Variants in PRMT8 observed in about 807,000 individuals in gnomAD.
PRMT8 encodes protein arginine methyltransferase 8.
A neutral mutation model predicts 47.1 loss-of-function variants in PRMT8; 7 were observed. The ratio of observed to expected loss-of-function variants is 0.15; its 90% CI spans 0.08 to 0.28. PRMT8 has a LOEUF of 0.28. Ranked by LOEUF, PRMT8 falls within the 10% of genes least tolerant of loss-of-function variation. The pLI is 1.00. For missense variants in PRMT8, 237 were observed against 505.4 expected (o/e 0.47, Z 5.09); for synonymous variants, 188 against 186.5 (o/e 1.01, Z -0.07).
At chr12:3,451,798 T>G (rs370868570) in intron 1 of PRMT8, among the ~76,000 whole-genome samples, 2 of 152,346 alleles carry the variant, frequency 1.3e-5, no homozygotes, top group African/African-American at 4.8e-5. Context: ...CCATGGGAAC[T>G]GCCTTAACTG....
rs550809477 is a variant in PRMT8, at chr12:3,508,283, G to T, written c.75+16583G>T. On this transcript the variant is annotated intron_variant, in intron 1 of 9. Coordinates refer to ENST00000382622, the MANE Select transcript of PRMT8 (RefSeq NM_019854.5). The surrounding 1 kb of genome is among the most constrained non-coding windows in gnomAD (Gnocchi z 4.9). ...GACTGCAGGGTGTCGGGATGTTTCT[G>T]TGTGGGGATATGTACACGCTTCTGA... Among the ~76,000 whole-genome samples the T allele has an allele frequency of 6.6e-6, 1 of 152,206 alleles. No individual in the cohort carries two copies. The highest frequency in any genetic ancestry group is 1.5e-5 in the Non-Finnish European group (1 of 68,038).
chr12:3,424,938 G>A (rs1388169266), intron 1 of PRMT8, among the ~76,000 whole-genome samples: 10 of 152,166 alleles, frequency 6.6e-5, no homozygotes, highest in Admixed American at 6.5e-4. Context: ...CAGCTTCCGG[G>A]TGTGACTGGA....
chr12:3,493,878 G>T lies in PRMT8; in HGVS notation c.75+2178G>T, dbSNP rs538300327. ...GACCCAGCTGGGGCTCCTTGGAGGG[G>T]TGTGAGCCAGGTTGGCGGATCGGTT... On this transcript the variant is annotated intron_variant, in intron 1 of 9. Transcript: ENST00000382622. This position sits in a 1 kb window ranked among gnomAD's most constrained non-coding sequence, Gnocchi z 8.2. Among the ~76,000 whole-genome samples, 6 of 152,386 alleles carry T rather than the reference G, an allele frequency of 3.9e-5. No individual in the cohort carries two copies. Among genetic ancestry groups the T allele is most frequent in the Non-Finnish European group, 7.3e-5 (5 of 68,046 alleles).
At chr12:3,467,007 G>A (rs147792393) in intron 1 of PRMT8, among the ~76,000 whole-genome samples, 1,819 of 152,158 alleles carry the variant, frequency 0.012, 36 homozygotes, top group African/African-American at 0.041. Context: ...GGAGGCGGAG[G>A]CGGGTGGATC....
rs1020797173 is a variant in PRMT8, at chr12:3,552,873, G to A, written c.418-778G>A. ...AGGGCCTTAGCACAGGCCAGCCTCT[G>A]TAAGAGAGCCGGCTCCGGAGGTGAG... On this transcript the variant is annotated intron_variant, in intron 3 of 9. Coordinates refer to ENST00000382622, the MANE Select transcript of PRMT8 (RefSeq NM_019854.5). The surrounding 1 kb of genome is among the most constrained non-coding windows in gnomAD (Gnocchi z 4.5). 4.7e-6 allele frequency: 2 copies of A among 426,732 alleles called. No homozygotes were observed. The highest frequency in any genetic ancestry group is 9.5e-6 in the Non-Finnish European group (2 of 210,866). 26.4% of individuals were successfully genotyped at this position (426,732 alleles called of 1,614,324 possible).
rs75173253 is a variant in PRMT8 at position 3,534,221 on chromosome 12, T to C, written c.76-6385T>C. ...CGACTCAGGTTAGAAAAAGCTCTCT[T>C]GACATTTGGAGAACAGAGCAGGATT... On this transcript the variant is annotated intron_variant, in intron 1 of 9. Coordinates refer to ENST00000382622, the MANE Select transcript of PRMT8 (RefSeq NM_019854.5). 5.7e-3 allele frequency among the ~76,000 whole-genome samples: 864 copies of C among 152,374 alleles called. 10 individuals are homozygous for C. The highest frequency in any genetic ancestry group is 0.02 in the African/African-American group (817 of 41,592).
intron 1 of PRMT8, among the ~76,000 whole-genome samples, chr12:3,445,572 A>G (rs1457184082): frequency 6.6e-6 from 1 of 152,210 alleles, no homozygotes. Flanking sequence ...TAGCCTGTGT[A>G]GACAAATAGC....
intron 1 of PRMT8, among the ~76,000 whole-genome samples, chr12:3,427,743 A>G (rs1241982703): frequency 2.0e-5 from 3 of 152,144 alleles, no homozygotes; most frequent in Non-Finnish European, 4.4e-5. Context: ...ACTTATTACA[A>G]ATATACATAT....
At chr12:3,455,454 C>T (rs1431829062) in intron 1 of PRMT8, among the ~76,000 whole-genome samples, 9 of 152,118 alleles carry the variant, frequency 5.9e-5, no homozygotes, top group Admixed American at 5.2e-4. Context: ...GCTGCCCTCA[C>T]TTGTGCTCTG....
At chr12:3,399,813 CATA>C (rs1355357877) in intron 1 of PRMT8, among the ~76,000 whole-genome samples, 1 of 152,166 alleles carries the variant, frequency 6.6e-6, no homozygotes, top group East Asian at 1.9e-4. Context: ...AGATTATCTT[CATA>C]ATAATACAAG....
chr12:3,519,681 G>C lies in PRMT8; in HGVS notation c.76-20925G>C, dbSNP rs1263509966. ...GTGAGTCCACCAGGGGCAGCTGTCA[G>C]TAAGGCTGCAGAAAGGCTGGGGGGC... On this transcript the variant is annotated intron_variant, in intron 1 of 9. Transcript: ENST00000382622. Among the ~76,000 whole-genome samples the C allele has an allele frequency of 2.6e-5, 4 of 152,220 alleles. No homozygotes were observed. The East Asian group carries it at 7.7e-4, about 29-fold the overall frequency.
rs1866801651 is a variant in PRMT8 at position 3,569,346 on chromosome 12, G to T, written c.625-131G>T. On this transcript the variant is annotated intron_variant, in intron 5 of 9. Coordinates refer to ENST00000382622, the MANE Select transcript of PRMT8 (RefSeq NM_019854.5). This position sits in a 1 kb window ranked among gnomAD's most constrained non-coding sequence, Gnocchi z 8.2. ...CTGTCCTAGCCCTCACCCCAGACAA[G>T]GTGACAGTCCACTGCATGAGAGATG... is the stretch of plus-strand genomic sequence containing the variant. 1.3e-6 allele frequency: 1 copy of T among 796,620 alleles called. No individual in the cohort carries two copies. Among genetic ancestry groups the T allele is most frequent in the East Asian group, 2.5e-5 (1 of 40,020 alleles). The allele number at this position is 796,620 out of a possible 1,614,324, so 49.3% of individuals were successfully genotyped here.
At chr12:3,476,140 C>T (rs1448171605) in intron 1 of PRMT8, among the ~76,000 whole-genome samples, 1 of 152,172 alleles carries the variant, frequency 6.6e-6, no homozygotes, top group African/African-American at 2.4e-5. Context: ...GAGCCAGACA[C>T]TTTCTAGCCC....
At chr12:3,549,630 T>C (rs190179179) in intron 2 of PRMT8, among the ~76,000 whole-genome samples, 12 of 152,350 alleles carry the variant, frequency 7.9e-5, no homozygotes, top group Admixed American at 6.5e-4. Flanking sequence ...AAATCTCTTA[T>C]GCTATGTTGT....
intron 2 of PRMT8, among the ~76,000 whole-genome samples, chr12:3,549,015 T>C (rs1337808672): frequency 2.6e-5 from 4 of 152,124 alleles, no homozygotes; most frequent in Non-Finnish European, 5.9e-5. Flanking sequence ...ATAACATACA[T>C]GAATCTCAAA....
At chr12:3,519,266 A>G (rs1258924259) in intron 1 of PRMT8, among the ~76,000 whole-genome samples, 1 of 152,214 alleles carries the variant, frequency 6.6e-6, no homozygotes, top group Non-Finnish European at 1.5e-5. Flanking sequence ...TAAGCGAGAT[A>G]GAGACTGGAA....
intron 1 of PRMT8, among the ~76,000 whole-genome samples, chr12:3,422,349 C>T (rs1324412385): frequency 6.6e-6 from 1 of 152,172 alleles, no homozygotes; most frequent in Non-Finnish European, 1.5e-5. Flanking sequence ...GGCTTTGCCT[C>T]AAATTTAATT....
chr12:3,521,400 C>T (rs899048393), intron 1 of PRMT8, among the ~76,000 whole-genome samples: 3 of 150,818 alleles, frequency 2.0e-5, no homozygotes, highest in African/African-American at 7.4e-5. Context: ...ATGACGAAAC[C>T]CCGTCTCTAC....
rs1372163767 is a variant in PRMT8 at position 3,437,790 on chromosome 12, G to A, written c.48+56348G>A. ...TTCTCTAAGGTCGTCTAGCCTCAAG[G>A]CCTTCAACTGCAAAATGAGAGCAGC... On this transcript the variant is annotated intron_variant, in intron 1 of 9. Coordinates refer to the PRMT8 transcript ENST00000452611. Among the ~76,000 whole-genome samples the A allele has an allele frequency of 2.6e-5, 4 of 151,984 alleles. No individual in the cohort carries two copies. In the East Asian group the frequency reaches 7.7e-4, roughly 29 times the overall value.
Sources: allele counts gnomAD v4.1 joint callset (sites outside exome capture counted in the v4.1 genomes callset), GRCh38; gene constraint gnomAD v4.1.1; non-coding constraint Gnocchi (gnomAD v3.1); transcripts MANE v1.5; gene names NCBI Gene and HGNC (gene_info 2026-07-23, HGNC 2026-07-21).